Variants in ZNF730 observed in about 807,000 individuals in gnomAD.
The protein encoded by ZNF730 is putative zinc finger protein 730.
In ZNF730, 12 loss-of-function variants were observed where a neutral mutation model predicts 12.6. That is an observed-to-expected ratio of 0.95 (90% CI 0.61 to 1.54). ZNF730 has a LOEUF of 1.54. Among genes scored for constraint, ZNF730 ranks in the 40% most tolerant of loss-of-function variants. ZNF730 has a pLI of 0.00. For synonymous variants in ZNF730, 194 were observed against 195.8 expected (o/e 0.99, Z 0.08); for missense variants, 643 against 583.5 (o/e 1.10, Z -1.05).
At chr19:23,127,183 T>C (rs1456590896) in intron 1 of ZNF730, 4 of 560,254 alleles carry the variant, frequency 7.1e-6, no homozygotes, top group Non-Finnish European at 1.4e-5. Context: ...ATTATCTACA[T>C]CCTTTACTCC....
chr19:23,092,684 A>C (rs1417213038), intron 1 of ZNF730, among the ~76,000 whole-genome samples: 4 of 152,130 alleles, frequency 2.6e-5, no homozygotes, highest in African/African-American at 9.6e-5. Context: ...CGGCCTCCCA[A>C]AGTGCTGGGA....
chr19:23,112,069 T>C (rs909391286), upstream of ZNF730, among the ~76,000 whole-genome samples: 26 of 152,182 alleles, frequency 1.7e-4, no homozygotes, highest in African/African-American at 6.0e-4. Context: ...AACCCAGAGA[T>C]TGAGTCTGCC....
chr19:23,092,305 G>C (rs1970172361), intron 1 of ZNF730, among the ~76,000 whole-genome samples: 1 of 152,022 alleles, frequency 6.6e-6, no homozygotes. Flanking sequence ...AATATAAATG[G>C]GGTTGGTGGC....
At chr19:23,127,973 G>A (rs1970691013) in intron 1 of ZNF730, 1 of 731,054 alleles carries the variant, frequency 1.4e-6, no homozygotes, top group Admixed American at 1.7e-5. Flanking sequence ...CTGCTGGCCT[G>A]CAGGCTCCTC....
At chr19:23,144,700 CA>C (rs57769795) in intron 3 of ZNF730, among the ~76,000 whole-genome samples, 21 of 85,758 alleles carry the variant, frequency 2.4e-4, no homozygotes, top group East Asian at 9.1e-4. Context: ...ACTCTTGTCT[CA>C]AAAAAAAAAA....
intron 1 of ZNF730, among the ~76,000 whole-genome samples, chr19:23,077,366 G>A (rs1050269517): frequency 4.7e-5 from 7 of 150,400 alleles, no homozygotes; most frequent in Non-Finnish European, 1.0e-4. Context: ...AATGTGCTGG[G>A]ATTACAGGTG....
intron 1 of ZNF730, among the ~76,000 whole-genome samples, chr19:23,085,369 T>C (rs1310874086): frequency 3.3e-5 from 5 of 151,410 alleles, no homozygotes; most frequent in Non-Finnish European, 4.4e-5. Flanking sequence ...CTTTTTTTCT[T>C]TTTTTTTAAG....
intron 1 of ZNF730, among the ~76,000 whole-genome samples, chr19:23,076,216 C>CG (rs2145418223): frequency 6.6e-6 from 1 of 152,248 alleles, no homozygotes; most frequent in African/African-American, 2.4e-5. Context: ...ATTAGAGACA[C>CG]GGTATTTTAA....
intron 1 of ZNF730, among the ~76,000 whole-genome samples, chr19:23,084,254 A>T (rs1410576847): frequency 6.6e-6 from 1 of 152,144 alleles, no homozygotes; most frequent in Non-Finnish European, 1.5e-5. Flanking sequence ...TTCTGAGCTT[A>T]TTGGGCACAT....
At position 23,146,318 on chromosome 19, in the gene ZNF730, A is replaced by T. The variant is rs751098908; in HGVS notation, c.1274A>T (p.Lys425Ile). 3 of 1,613,772 alleles carry T rather than the reference A, an allele frequency of 1.9e-6. No homozygotes were observed. The highest frequency in any genetic ancestry group is 2.5e-6 in the Non-Finnish European group (3 of 1,179,908). The change falls in exon 4 of 4, where the codon AAA (lysine) becomes ATA (isoleucine). Residue 425 changes from lysine to isoleucine, a missense_variant. Lys to Ile is a moderately radical substitution (Grantham distance 102). Transcript: ENST00000597761. Reference sequence around the variant, plus strand: ...ATTCATACTGGAGAGAAACCCTACAAATGTGAAGAATGTGGCAGAGCTTTC... The same window carrying T: ...ATTCATACTGGAGAGAAACCCTACATATGTGAAGAATGTGGCAGAGCTTTC... The part of the protein sequence containing the change: ...KRIHTGEKPY[K>I]CEECGRAFNQ...
rs574373341 is a variant in ZNF730, at chr19:23,094,298, T to A, written c.-94+18911T>A. 9.2e-5 allele frequency among the ~76,000 whole-genome samples: 14 copies of A among 151,382 alleles called. 1 individual carries two copies. In the South Asian group the frequency reaches 2.9e-3, roughly 32 times the overall value. Reference sequence around the variant, plus strand: ...GATTTTTTCTTTTCTTTTTTTTTTTTAAATCAGGCTTTGGCTCCCAAAGTG... The same window carrying A: ...GATTTTTTCTTTTCTTTTTTTTTTTAAAATCAGGCTTTGGCTCCCAAAGTG... On this transcript the variant is annotated intron_variant, in intron 1 of 2. Coordinates refer to the ZNF730 transcript ENST00000593635.
upstream of ZNF730, among the ~76,000 whole-genome samples, chr19:23,115,502 G>T (rs959750692): frequency 6.6e-6 from 1 of 152,138 alleles, no homozygotes; most frequent in Non-Finnish European, 1.5e-5. Flanking sequence ...CAGGTCAGTA[G>T]AAACCTGTGA....
intron 3 of ZNF730, among the ~76,000 whole-genome samples, chr19:23,136,800 T>G (rs1165729644): frequency 6.6e-6 from 1 of 152,184 alleles, no homozygotes; most frequent in Non-Finnish European, 1.5e-5. Flanking sequence ...ATGTAAATTT[T>G]GGAATTGTAT....
At chr19:23,101,531 T>C (rs1970335814) in intron 1 of ZNF730, among the ~76,000 whole-genome samples, 1 of 152,200 alleles carries the variant, frequency 6.6e-6, no homozygotes, top group African/African-American at 2.4e-5. Flanking sequence ...CAGGTGTGAT[T>C]GTATGCATCT....
chr19:23,142,627 G>T (rs188566590), intron 3 of ZNF730, among the ~76,000 whole-genome samples: 3 of 145,970 alleles, frequency 2.1e-5, no homozygotes, highest in Non-Finnish European at 4.5e-5. Context: ...GGTGGAGCTT[G>T]CAGTGAGCCA....
chr19:23,145,456 A>C lies in ZNF730; in HGVS notation c.412A>C (p.Thr138Pro). 1 of 1,571,748 alleles carries C rather than the reference A, an allele frequency of 6.4e-7. No homozygotes were observed. Among genetic ancestry groups the C allele is most frequent in the Non-Finnish European group, 8.6e-7 (1 of 1,160,054 alleles). The change falls in exon 4 of 4, where the codon ACA (threonine) becomes CCA (proline). Residue 138 changes from threonine (T) to proline (P), a missense_variant. Transcript: ENST00000597761. ...KGYNRHNQCL[T>P]TSHSKIFQCD... ...TTATAATAGACATAACCAGTGTTTGACAACTTCCCATAGCAAAATATTTCA... is the reference window on the plus strand; with the variant it reads ...TTATAATAGACATAACCAGTGTTTGCCAACTTCCCATAGCAAAATATTTCA...
chr19:23,086,582 A>G (rs1352007721), intron 1 of ZNF730, among the ~76,000 whole-genome samples: 1 of 152,184 alleles, frequency 6.6e-6, no homozygotes, highest in Admixed American at 6.5e-5. Flanking sequence ...AGCTTTGTCA[A>G]AGGTCAGATG....
At chr19:23,114,111 G>C (rs1230858480), upstream of ZNF730, among the ~76,000 whole-genome samples, 1 of 152,066 alleles carries the variant, frequency 6.6e-6, no homozygotes, top group Non-Finnish European at 1.5e-5. Flanking sequence ...CAATCTAGCT[G>C]TTCCTGTATT....
At chr19:23,082,425 C>A (rs1417169210) in intron 1 of ZNF730, among the ~76,000 whole-genome samples, 1 of 151,724 alleles carries the variant, frequency 6.6e-6, no homozygotes, top group Non-Finnish European at 1.5e-5. Context: ...TGGCTCACTG[C>A]AACCTCTGCC....
Sources: gnomAD v4.1 joint callset for allele counts (sites outside exome capture counted in the v4.1 genomes callset) on GRCh38, gnomAD v4.1.1 for gene constraint, MANE v1.5 for transcripts, NCBI Gene and HGNC (gene_info 2026-07-23, HGNC 2026-07-21) for gene names.